The following NOTUM variants were observed in gnomAD, a reference collection of about 807,000 sequenced individuals.
NOTUM encodes notum, palmitoleoyl-protein carboxylesterase.
A neutral mutation model predicts 65.5 loss-of-function variants in NOTUM; 36 were observed. The ratio of observed to expected loss-of-function variants is 0.55; its 90% CI spans 0.42 to 0.73. The LOEUF is 0.73. NOTUM is among the 30% of genes least tolerant of loss of function. The probability of loss-of-function intolerance (pLI) is 0.00; values close to 1 mark genes in which losing one functional copy is unlikely to be tolerated. For missense variants in NOTUM, 659 were observed against 694.2 expected, an observed-to-expected ratio of 0.95 and a Z score of 0.57; for synonymous variants, 356 against 297.9, an observed-to-expected ratio of 1.20 and a Z score of -2.01.
At chr17:81,957,716 G>T in intron 6 of NOTUM, 90 bp downstream of exon 6, 1 of 882,338 alleles carries the variant, frequency 1.1e-6, no homozygotes, top group Non-Finnish European at 1.8e-6. Context: ...CTCCATCCTC[G>T]CCTCTCATAC....
At chr17:81,959,854 GC>G (rs2041460947) in intron 1 of NOTUM, 162 bp from the exon 2 acceptor site, 1 of 257,336 alleles carries the variant, frequency 3.9e-6, no homozygotes, top group Non-Finnish European at 7.1e-6. Flanking sequence ...AGGGACGGCG[GC>G]GGTCCCGGGA....
rs758231784 is a variant in NOTUM at position 81,960,873 on chromosome 17, G to A, written c.37C>T (p.Leu13=). Residue 13 remains leucine (L), a synonymous_variant, in exon 1 of 11, where the codon CTG becomes TTG. Coordinates refer to ENST00000409678, the MANE Select transcript of NOTUM (RefSeq NM_178493.6). This position sits in a 1 kb window ranked among gnomAD's most constrained non-coding sequence, Gnocchi z 6.4. The stretch of plus-strand genomic sequence containing the variant: ...TCGCTGCCCCCGGCGCAGTGCAGCA[G>A]GCTCAGCAGCAGCAGCACGCGCACC... ...RGVRVLLLLS[L]LHCAGGSEGR... 1.2e-5 allele frequency: 17 copies of A among 1,413,188 alleles called. No homozygotes were observed. In the South Asian group the frequency reaches 1.2e-4, roughly 10 times the overall value. 87.5% of individuals were successfully genotyped at this position (1,413,188 alleles called of 1,614,324 possible).
rs2041458521 is a variant in NOTUM at position 81,959,571 on chromosome 17, G to A, written c.377-5C>T. 1.3e-6 allele frequency: 2 copies of A among 1,548,442 alleles called. No homozygotes were observed. The highest frequency in any genetic ancestry group is 1.7e-6 in the Non-Finnish European group (2 of 1,146,184). ...GGTTGAAGCAGTACCAGCCGCCTGCGGACACGACCGCCGCTCAGGCCCGCG... is the reference window on the plus strand; with the variant it reads ...GGTTGAAGCAGTACCAGCCGCCTGCAGACACGACCGCCGCTCAGGCCCGCG... On this transcript the variant is annotated splice_region_variant and splice_polypyrimidine_tract_variant and intron_variant, in intron 2 of 10. Coordinates refer to ENST00000409678, the MANE Select transcript of NOTUM (RefSeq NM_178493.6).
chr17:81,956,235 C>G (rs2041432265), intron 8 of NOTUM, among the ~76,000 whole-genome samples: 1 of 152,198 alleles, frequency 6.6e-6, no homozygotes, highest in Non-Finnish European at 1.5e-5. Context: ...TTGCATATAA[C>G]CTCACCATTC....
At chr17:81,959,362 A>T in intron 3 of NOTUM, 109 bp downstream of exon 3, 1 of 842,368 alleles carries the variant, frequency 1.2e-6, no homozygotes. Context: ...CCCGGGCGCC[A>T]GGCTGGGCAT....
chr17:81,952,879 G>A lies in NOTUM; in HGVS notation c.*82C>T. The A allele has an allele frequency of 8.0e-7, 1 of 1,252,056 alleles. No homozygotes were observed. The highest frequency in any genetic ancestry group is 1.1e-6 in the Non-Finnish European group (1 of 871,324). The allele number at this position is 1,252,056 out of a possible 1,614,324, so 77.6% of individuals were successfully genotyped here. A position where few individuals can be genotyped will look rare whatever the true frequency, so the allele number is the denominator to read the frequency against. ...GGCCCTGTCCCGAAGAGACGGGAGG[G>A]CCTGCTGGTGGGGGGTGAGGTGGCA... On this transcript the variant is annotated 3_prime_UTR_variant, in exon 11 of 11. Transcript: ENST00000409678.
Position 81,957,011 on chromosome 17 carries a change from G to A in NOTUM, c.759C>T (p.Gly253=). The change falls in exon 7 of 11, where the codon GGC becomes GGT. Residue 253 remains glycine, a synonymous_variant. Coordinates refer to ENST00000409678, the MANE Select transcript of NOTUM (RefSeq NM_178493.6). ...GGCCTCGCACCTGGATGGCTGGGTAGCCCAGCTTCTCCAGCTGCTCAGCCA... is the reference window on the plus strand; with the variant it reads ...GGCCTCGCACCTGGATGGCTGGGTAACCCAGCTTCTCCAGCTGCTCAGCCA... ...DRVAEQLEKL[G]YPAIQVRGLA... is the part of the protein sequence containing the mutation. 3 of 1,611,760 alleles carry A rather than the reference G, an allele frequency of 1.9e-6. No individual in the cohort carries two copies. Among genetic ancestry groups the A allele is most frequent in the Non-Finnish European group, 2.5e-6 (3 of 1,179,876 alleles).
At chr17:81,957,415 G>C (rs1473813758) in intron 6 of NOTUM, among the ~76,000 whole-genome samples, 2 of 151,956 alleles carry the variant, frequency 1.3e-5, no homozygotes, top group Non-Finnish European at 2.9e-5. Context: ...TTTGTCTCCT[G>C]GTCTCCTGTA....
chr17:81,952,960 C>G lies in NOTUM; in HGVS notation c.*1G>C, dbSNP rs752645824. On this transcript the variant is annotated 3_prime_UTR_variant, in exon 11 of 11. Transcript: ENST00000409678. ...GCCGGCTCCTCCTCCAGACAGTCTG[C>G]CTAGCTTCCGTTGCTCAGCATCCCC... 15 of 1,613,226 alleles carry G rather than the reference C, an allele frequency of 9.3e-6. No individual in the cohort carries two copies. Among genetic ancestry groups the G allele is most frequent in the African/African-American group, 1.3e-5 (1 of 74,936 alleles).
intron 3 of NOTUM, 111 bp downstream of exon 3, chr17:81,959,360 C>A: frequency 1.2e-6 from 1 of 832,604 alleles, no homozygotes; most frequent in Non-Finnish European, 1.9e-6. Flanking sequence ...AACCCGGGCG[C>A]CAGGCTGGGC....
rs757527675 is a variant in NOTUM, at chr17:81,956,706, T to C, written c.932A>G (p.Gln311Arg). 1 of 1,613,024 alleles carries C rather than the reference T, an allele frequency of 6.2e-7. No homozygotes were observed. Among genetic ancestry groups the C allele is most frequent in the East Asian group, 2.2e-5 (1 of 44,884 alleles). Residue 311 changes from glutamine to arginine, a missense_variant, in exon 8 of 11, where the codon CAG becomes CGG. By Grantham distance (43) the Gln-to-Arg change is conservative (BLOSUM62 1). Coordinates refer to ENST00000409678, the MANE Select transcript of NOTUM (RefSeq NM_178493.6). ...VVPERCRRQF[Q>R]EGEEWNCFFG... Reference sequence around the variant, plus strand: ...GAAGCAGTTCCACTCCTCGCCCTCCTGGAACTGGCGTCGGCAGCGCTCCGG... The same window carrying C: ...GAAGCAGTTCCACTCCTCGCCCTCCCGGAACTGGCGTCGGCAGCGCTCCGG...
intron 8 of NOTUM, 145 bp from the exon 9 acceptor site, chr17:81,955,689 C>G: frequency 1.6e-6 from 1 of 640,538 alleles, no homozygotes; most frequent in Non-Finnish European, 2.5e-6. Flanking sequence ...CAGTGCCCCC[C>G]ACCCCAGGCT....
chr17:81,958,325 C>T lies in NOTUM; in HGVS notation c.592+10G>A, dbSNP rs749391503. 3.7e-5 allele frequency: 59 copies of T among 1,596,094 alleles called. 1 individual carries two copies. Among genetic ancestry groups the T allele is most frequent in the Admixed American group, 2.2e-4 (13 of 59,948 alleles). Reference sequence around the variant, plus strand: ...CTGCCCTGCCATGCCCTGGGAAGGCCGAGACTCACTCTTCTCAGACTTGGA... The same window carrying T: ...CTGCCCTGCCATGCCCTGGGAAGGCTGAGACTCACTCTTCTCAGACTTGGA... On this transcript the variant is annotated intron_variant, in intron 5 of 10. Coordinates refer to ENST00000409678, the MANE Select transcript of NOTUM (RefSeq NM_178493.6).
chr17:81,955,489 G>A lies in NOTUM; in HGVS notation c.1044C>T (p.Asn348=), dbSNP rs761130743. ...GCACCGGCTGCCCCGTCAGGTGCAC[G>A]TTGTCCACCGTCAGCTGTGCCTCGT... ...LFDEAQLTVD[N]VHLTGQPVQE... The change falls in exon 9 of 11, where the codon AAC becomes AAT. Residue 348 remains asparagine, a synonymous_variant. Coordinates refer to ENST00000409678, the MANE Select transcript of NOTUM (RefSeq NM_178493.6). 5.6e-6 allele frequency: 9 copies of A among 1,610,896 alleles called. No homozygotes were observed. The highest frequency in any genetic ancestry group is 1.3e-5 in the African/African-American group (1 of 74,812).
chr17:81,957,443 G>A (rs1353264699), intron 6 of NOTUM, among the ~76,000 whole-genome samples: 1 of 152,082 alleles, frequency 6.6e-6, no homozygotes, highest in African/African-American at 2.4e-5. Context: ...TGGGATACAG[G>A]AACCCACAGG....
chr17:81,960,673 G>A lies in NOTUM; in HGVS notation c.237C>T (p.Pro79=). The A allele has an allele frequency of 1.3e-6, 2 of 1,597,062 alleles. No homozygotes were observed. Among genetic ancestry groups the A allele is most frequent in the Non-Finnish European group, 1.7e-6 (2 of 1,172,392 alleles). The change falls in exon 1 of 11, where the codon CCC becomes CCT. Residue 79 remains proline, a synonymous_variant. Coordinates refer to ENST00000409678, the MANE Select transcript of NOTUM (RefSeq NM_178493.6). This position sits in a 1 kb window ranked among gnomAD's most constrained non-coding sequence, Gnocchi z 6.4. ...QVKSLAQSLY[P]CSAQQLNEDL... ...CCTCGTTGAGCTGCTGCGCGGAGCA[G>A]GGGTACAGGGACTGCGCCAGGCTCT...
In NOTUM at chr17:81,955,534, G is replaced by A. The variant is rs755956448; in HGVS notation, c.999C>T (p.Phe333=). ...KVYPTLRCPV[F]VVQWLFDEAQ... is the part of the protein sequence containing the mutation. ...CCTCGTCAAACAGCCACTGCACCAC[G>A]AACACAGGGCCTGCGGGCGGCGGGG... The change falls in exon 9 of 11, where the codon TTC becomes TTT. Residue 333 remains phenylalanine, a synonymous_variant. Transcript: ENST00000409678. The A allele has an allele frequency of 5.6e-6, 9 of 1,610,524 alleles. No individual in the cohort carries two copies. Among genetic ancestry groups the A allele is most frequent in the East Asian group, 4.5e-5 (2 of 44,814 alleles).
rs752552155 is a variant in NOTUM, at chr17:81,960,774, C to T, written c.136G>A (p.Gly46Arg). 9 of 1,569,998 alleles carry T rather than the reference C, an allele frequency of 5.7e-6. No homozygotes were observed. The highest frequency in any genetic ancestry group is 5.4e-5 in the African/African-American group (4 of 74,154). The stretch of plus-strand genomic sequence containing the variant: ...AGCGGGAAGCTCTCCACGGGCTGTC[C>T]GGCCGCCGGCGCCGCCTCGGTCCGC... ...PPRTEAAPAA[G>R]QPVESFPLDF... The change falls in exon 1 of 11, where the codon GGA becomes AGA. Residue 46 changes from glycine to arginine, a missense_variant. Gly to Arg is a moderately radical substitution (Grantham distance 125, BLOSUM62 -2). Coordinates refer to ENST00000409678, the MANE Select transcript of NOTUM (RefSeq NM_178493.6). The surrounding 1 kb of genome is among the most constrained non-coding windows in gnomAD (Gnocchi z 6.4).
In NOTUM at chr17:81,957,884, A is replaced by T. The variant is rs2041445133; in HGVS notation, c.617T>A (p.Leu206His). 5.6e-6 allele frequency: 9 copies of T among 1,606,406 alleles called. No individual in the cohort carries two copies. In the East Asian group the frequency reaches 2.0e-4, roughly 36 times the overall value. ...EKNEYAFMGA[L>H]IIQEVVRELL... ...CTCCCGCACCACCTCCTGGATGATG[A>T]GGGCGCCCATGAAGGCGTACTCGTC... Residue 206 changes from leucine to histidine, a missense_variant, in exon 6 of 11, where the codon CTC becomes CAC. Transcript: ENST00000409678.
Sources: allele counts gnomAD v4.1 joint callset (sites outside exome capture counted in the v4.1 genomes callset), GRCh38; gene constraint gnomAD v4.1.1; non-coding constraint Gnocchi (gnomAD v3.1); transcripts MANE v1.5; gene names NCBI Gene and HGNC (gene_info 2026-07-23, HGNC 2026-07-21).